MRPS25: variants seen among roughly 807,000 people sequenced by gnomAD.
MRPS25 encodes the protein mitochondrial ribosomal protein S25, also known as small ribosomal subunit protein mS25.
Under a neutral mutation model 17.3 loss-of-function variants are expected in MRPS25, and 15 were observed. The ratio of observed to expected loss-of-function variants is 0.87; its 90% CI spans 0.58 to 1.34. The LOEUF (loss-of-function observed/expected upper bound fraction) is 1.34, where lower values mean the gene tolerates loss of function less well. Among genes scored for constraint, MRPS25 ranks in the 40% most tolerant of loss-of-function variants. The pLI is 0.00. For synonymous variants in MRPS25, 94 were observed against 83.3 expected (o/e 1.13, Z -0.70); for missense variants, 225 against 218.6 (o/e 1.03, Z -0.19).
At chr3:15,044,817 G>C (rs575576145), downstream of MRPS25, 3 of 152,384 alleles carry the variant, frequency 2.0e-5, no homozygotes, top group East Asian at 5.8e-4. Context: ...GCTCAAGGCA[G>C]AACAGGATGC....
At position 15,053,413 on chromosome 3, in the gene MRPS25, A is replaced by G. The variant is rs773026556; in HGVS notation, c.296T>C (p.Met99Thr). ...DVETKSNKEI[M>T]EHIRKILGKN... ...CCCCAAGATTTTTCTGATGTGCTCC[A>G]TGATCTCCTTATTGCTCTTGGTCTC... The change falls in exon 3 of 4, where the codon ATG (methionine) becomes ACG (threonine). Residue 99 changes from methionine (M) to threonine (T), a missense_variant. By Grantham distance (81) the Met-to-Thr change is moderately conservative. Coordinates refer to ENST00000253686, the MANE Select transcript of MRPS25 (RefSeq NM_022497.5). The G allele has an allele frequency of 1.2e-6, 2 of 1,614,188 alleles. No individual in the cohort carries two copies. The highest frequency in any genetic ancestry group is 1.7e-6 in the Non-Finnish European group (2 of 1,180,024).
In MRPS25 at chr3:15,050,572, G is replaced by A. The variant is rs1439025354; in HGVS notation, c.*1869C>T. ...GAACGCCCAGGCAGGTGGTATCAAGGTCAAGACTTCAGTCAGTTGGGTGGG... is the reference window on the plus strand; with the variant it reads ...GAACGCCCAGGCAGGTGGTATCAAGATCAAGACTTCAGTCAGTTGGGTGGG... On this transcript the variant is annotated 3_prime_UTR_variant, in exon 4 of 4. Transcript: ENST00000253686. 1.3e-5 allele frequency: 13 copies of A among 985,358 alleles called. No individual in the cohort carries two copies. The highest frequency in any genetic ancestry group is 1.6e-5 in the Non-Finnish European group (13 of 830,008). The allele number at this position is 985,358 out of a possible 1,614,324, so 61.0% of individuals were successfully genotyped here. A position where few individuals can be genotyped will look rare whatever the true frequency, so the allele number is the denominator to read the frequency against.
intron 2 of MRPS25, among the ~76,000 whole-genome samples, chr3:15,057,185 C>A (rs116401543): frequency 1.3e-5 from 2 of 152,180 alleles, no homozygotes; most frequent in Non-Finnish European, 2.9e-5. Flanking sequence ...TCTCCCTGGC[C>A]GGGGCCTAGG....
At chr3:15,053,297 A>G in intron 3 of MRPS25, 83 bp downstream of exon 3, 2 of 1,595,512 alleles carry the variant, frequency 1.3e-6, no homozygotes, top group South Asian at 1.1e-5. Flanking sequence ...TTACCTCTCA[A>G]CACCCTTCCC....
rs776165801 is a variant in MRPS25, at chr3:15,065,178, C to A, written c.17G>T (p.Arg6Leu). The change falls in exon 1 of 4, where the codon CGC (arginine) becomes CTC (leucine). Residue 6 changes from arginine to leucine, a missense_variant. By Grantham distance (102) the Arg-to-Leu change is moderately radical (BLOSUM62 -2). Transcript: ENST00000253686. The part of the protein sequence containing the change: MPMKG[R>L]FPIRRTLQYL... ...TTGCAGGGTGCGGCGGATGGGGAAGCGGCCCTTCATGGGCATGGCGGCAAC... is the reference window on the plus strand; with the variant it reads ...TTGCAGGGTGCGGCGGATGGGGAAGAGGCCCTTCATGGGCATGGCGGCAAC... 1 of 1,603,180 alleles carries A rather than the reference C, an allele frequency of 6.2e-7. No individual in the cohort carries two copies. Among genetic ancestry groups the A allele is most frequent in the Non-Finnish European group, 8.5e-7 (1 of 1,175,454 alleles).
downstream of MRPS25, chr3:15,045,813 T>C (rs1248722062): frequency 6.6e-6 from 1 of 152,486 alleles, no homozygotes; most frequent in African/African-American, 2.4e-5. Flanking sequence ...CTGAACTCCA[T>C]GGAGCCACGT....
In MRPS25 at chr3:15,048,848, C is replaced by G. The variant is rs1380052682; in HGVS notation, c.*3593G>C. On this transcript the variant is annotated 3_prime_UTR_variant, in exon 4 of 4. Coordinates refer to ENST00000253686, the MANE Select transcript of MRPS25 (RefSeq NM_022497.5). ...TCTCTGTTAGAATGTAACTGCATTACCAGCCCTTTTAAAGGCATCTATCTA... is the reference window on the plus strand; with the variant it reads ...TCTCTGTTAGAATGTAACTGCATTAGCAGCCCTTTTAAAGGCATCTATCTA... The G allele has an allele frequency of 6.6e-6, 1 of 152,600 alleles. No individual in the cohort carries two copies. Among genetic ancestry groups the G allele is most frequent in the Admixed American group, 6.5e-5 (1 of 15,280 alleles). The allele number at this position is 152,600 out of a possible 1,614,324, so 9.5% of individuals were successfully genotyped here.
At chr3:15,054,718 A>G (rs1350522932) in intron 2 of MRPS25, among the ~76,000 whole-genome samples, 11 of 152,146 alleles carry the variant, frequency 7.2e-5, no homozygotes, top group Admixed American at 7.2e-4. Context: ...AAATTGAAAA[A>G]TCAAAATTAA....
chr3:15,043,201 G>A (rs2042332433), downstream of MRPS25: 1 of 411,234 alleles, frequency 2.4e-6, no homozygotes, highest in South Asian at 1.3e-4. Flanking sequence ...CATAAGAAAT[G>A]TTTTAATGCC....
Position 15,065,260 on chromosome 3 carries a change from T to A in MRPS25, c.-66A>T. 1 of 1,482,012 alleles carries A rather than the reference T, an allele frequency of 6.7e-7. No individual in the cohort carries two copies. Among genetic ancestry groups the A allele is most frequent in the Non-Finnish European group, 9.0e-7 (1 of 1,114,308 alleles). 91.8% of individuals were successfully genotyped at this position (1,482,012 alleles called of 1,614,324 possible). A position where few individuals can be genotyped will look rare whatever the true frequency, so the allele number is the denominator to read the frequency against. ...CGAGCAGCGACGAGAAAGGACTAGC[T>A]AGCACCCGCGCGGATCTCACGCGGC... On this transcript the variant is annotated 5_prime_UTR_variant, in exon 1 of 4. Coordinates refer to ENST00000253686, the MANE Select transcript of MRPS25 (RefSeq NM_022497.5).
chr3:15,058,090 G>T (rs530257267), intron 2 of MRPS25, among the ~76,000 whole-genome samples: 3 of 152,172 alleles, frequency 2.0e-5, no homozygotes, highest in Admixed American at 2.0e-4. Flanking sequence ...TGCCCATGTT[G>T]GTCTCGAACT....
At chr3:15,052,868 G>A (rs1008279261) in intron 3 of MRPS25, among the ~76,000 whole-genome samples, 1 of 152,212 alleles carries the variant, frequency 6.6e-6, no homozygotes, top group African/African-American at 2.4e-5. Context: ...ACACAGTGCG[G>A]TCAGCCTATC....
At chr3:15,058,324 G>GAGTC (rs1260219412) in intron 2 of MRPS25, among the ~76,000 whole-genome samples, 1 of 152,096 alleles carries the variant, frequency 6.6e-6, no homozygotes, top group Non-Finnish European at 1.5e-5. Context: ...CGAGTAGCTG[G>GAGTC]GACTACAGGC....
At chr3:15,053,189 T>C (rs1345815405) in intron 3 of MRPS25, 191 bp downstream of exon 3, 2 of 1,307,258 alleles carry the variant, frequency 1.5e-6, no homozygotes, top group African/African-American at 3.0e-5. Flanking sequence ...GAGATAAAGC[T>C]TACAGAGGTT....
intron 1 of MRPS25, among the ~76,000 whole-genome samples, chr3:15,061,484 C>T (rs527425788): frequency 1.3e-5 from 2 of 152,340 alleles, no homozygotes; most frequent in African/African-American, 2.4e-5. Flanking sequence ...TCCAGAGGTG[C>T]CGGGATTGCA....
intron 2 of MRPS25, among the ~76,000 whole-genome samples, chr3:15,055,734 A>AT (rs1206646488): frequency 6.6e-6 from 1 of 151,470 alleles, no homozygotes; most frequent in Non-Finnish European, 1.5e-5. Flanking sequence ...TTTAAAAAAA[A>AT]ATTTTTTAAA....
intron 1 of MRPS25, among the ~76,000 whole-genome samples, chr3:15,064,223 GCACTCAGAGTGT>G (rs2042821998): frequency 6.6e-6 from 1 of 152,166 alleles, no homozygotes; most frequent in Non-Finnish European, 1.5e-5. Flanking sequence ...ACACAGCCTA[GCACTCAGAGTGT>G]ACTCAATAAA....
At chr3:15,062,695 TG>T (rs1307953224) in intron 1 of MRPS25, among the ~76,000 whole-genome samples, 2 of 152,106 alleles carry the variant, frequency 1.3e-5, no homozygotes, top group Non-Finnish European at 2.9e-5. Context: ...GAGGTAGACA[TG>T]GGAGACTTTT....
chr3:15,052,480 C>A lies in MRPS25; in HGVS notation c.483G>T (p.Gly161=), dbSNP rs780426648. Residue 161 remains glycine, a synonymous_variant, in exon 4 of 4, where the codon GGG becomes GGT. Transcript: ENST00000253686. ...SLVPLPKEMR[G]KYKAALKADA... is the part of the protein sequence containing the mutation. The stretch of plus-strand genomic sequence containing the variant: ...CGGCTTTCAGAGCGGCTTTGTACTT[C>A]CCCCTCATCTCCTTGGGTAATGGCA... 8.7e-6 allele frequency: 14 copies of A among 1,614,150 alleles called. No individual in the cohort carries two copies. Among genetic ancestry groups the A allele is most frequent in the Non-Finnish European group, 1.1e-5 (13 of 1,179,988 alleles).
Sources: gnomAD v4.1 joint callset for allele counts (sites outside exome capture counted in the v4.1 genomes callset) on GRCh38, gnomAD v4.1.1 for gene constraint, MANE v1.5 for transcripts, NCBI Gene and HGNC (gene_info 2026-07-23, HGNC 2026-07-21) for gene names.